IQGAP1: variants seen among roughly 807,000 people sequenced by gnomAD.
IQGAP1 encodes ras GTPase-activating-like protein IQGAP1.
Under a neutral mutation model 215.6 loss-of-function variants are expected in IQGAP1, and 66 were observed. The ratio of observed to expected loss-of-function variants is 0.31; its 90% CI spans 0.25 to 0.38. IQGAP1 has a LOEUF of 0.38. IQGAP1 is among the 10% of genes least tolerant of loss of function. The pLI is 1.00. For missense variants in IQGAP1, 1,712 were observed against 1,997.1 expected (o/e 0.86, Z 2.72); for synonymous variants, 772 against 728.7 (o/e 1.06, Z -0.96).
intron 10 of IQGAP1, among the ~76,000 whole-genome samples, 185 bp from the exon 11 acceptor site, chr15:90,449,374 A>G (rs1965569592): frequency 6.6e-6 from 1 of 152,066 alleles, no homozygotes; most frequent in Non-Finnish European, 1.5e-5. Flanking sequence ...AAGTCACTCT[A>G]CCCCAGCTTT....
intron 2 of IQGAP1, among the ~76,000 whole-genome samples, chr15:90,404,946 A>G (rs1964857059): frequency 6.6e-6 from 1 of 152,148 alleles, no homozygotes; most frequent in South Asian, 2.1e-4. Flanking sequence ...ACTTACTAAT[A>G]TTTTACTTTT....
chr15:90,388,859 G>C (rs1010674798), intron 1 of IQGAP1, among the ~76,000 whole-genome samples: 3 of 152,192 alleles, frequency 2.0e-5, no homozygotes, highest in Non-Finnish European at 4.4e-5. Flanking sequence ...TCCCAGGCTA[G>C]CTACGAGGTG....
rs1965450314 is a variant in IQGAP1 at position 90,441,529 on chromosome 15, A to C, written c.673A>C (p.Asn225His). Residue 225 changes from asparagine to histidine, a missense_variant, in exon 8 of 38, where the codon AAT (asparagine) becomes CAT (histidine). Asn to His is a moderately conservative substitution (Grantham distance 68). Around this residue, in one of 2 missense-constraint regions of IQGAP1, gnomAD observed 1,021 missense variants for 1,074.2 expected, o/e 0.95. Transcript: ENST00000268182. ...AALHAAVIAI[N>H]EAIDRRIPAD... ...AGTACATGCTGCTGTTATTGCTATT[A>C]ATGAAGCTATTGACCGTAGAATTCC... The C allele has an allele frequency of 6.2e-7, 1 of 1,612,512 alleles. No homozygotes were observed. Among genetic ancestry groups the C allele is most frequent in the Admixed American group, 1.7e-5 (1 of 59,794 alleles).
At chr15:90,417,053 G>A (rs997559411) in intron 2 of IQGAP1, among the ~76,000 whole-genome samples, 1 of 152,066 alleles carries the variant, frequency 6.6e-6, no homozygotes, top group Non-Finnish European at 1.5e-5. Flanking sequence ...CTTTGTGATG[G>A]GGTTGTTTGT....
intron 18 of IQGAP1, among the ~76,000 whole-genome samples, chr15:90,470,508 A>T (rs964876005): frequency 1.3e-5 from 2 of 152,142 alleles, no homozygotes; most frequent in African/African-American, 4.8e-5. Context: ...ACTGTATTTT[A>T]AGTAGCAGCC....
rs190769709 is a variant in IQGAP1 at position 90,458,794 on chromosome 15, A to G, written c.1776+2479A>G. Reference sequence around the variant, plus strand: ...GCTATGAAATAGCAGTTGTGATTCAACCCTCTCCACAGCATCAAGTGACAT... The same window carrying G: ...GCTATGAAATAGCAGTTGTGATTCAGCCCTCTCCACAGCATCAAGTGACAT... On this transcript the variant is annotated intron_variant, in intron 15 of 37. Coordinates refer to ENST00000268182, the MANE Select transcript of IQGAP1 (RefSeq NM_003870.4). Among the ~76,000 whole-genome samples, 35 of 152,130 alleles carry G rather than the reference A, an allele frequency of 2.3e-4. No individual in the cohort carries two copies. In the East Asian group the frequency reaches 6.0e-3, roughly 26 times the overall value.
chr15:90,443,400 A>C lies in IQGAP1; in HGVS notation c.835A>C (p.Asn279His), dbSNP rs781764581. The change falls in exon 9 of 38, where the codon AAC becomes CAC. Residue 279 changes from asparagine to histidine, a missense_variant. Coordinates refer to ENST00000268182, the MANE Select transcript of IQGAP1 (RefSeq NM_003870.4). ...KMTNAKNRTE[N>H]SERERDVYEE... ...GCTTTTTACTCATCCTCAGACAGAAAACTCAGAGAGAGAAAGAGATGTTTA... is the reference window on the plus strand; with the variant it reads ...GCTTTTTACTCATCCTCAGACAGAACACTCAGAGAGAGAAAGAGATGTTTA... The C allele has an allele frequency of 1.9e-6, 3 of 1,611,472 alleles. No homozygotes were observed. The South Asian group carries it at 3.3e-5, about 18-fold the overall frequency.
chr15:90,461,812 G>A (rs938238739), intron 15 of IQGAP1, among the ~76,000 whole-genome samples: 9 of 151,994 alleles, frequency 5.9e-5, no homozygotes, highest in African/African-American at 1.2e-4. Flanking sequence ...GGGTGACAGC[G>A]AAGCTGCATC....
At position 90,500,863 on chromosome 15, in the gene IQGAP1, T is replaced by C. The variant is rs1163009866; in HGVS notation, c.*755T>C. ...ATGGGTCAAGGCACCTGCCTGTTTT[T>C]GTTGGTGCACAGAGATTGACTTGAT... On this transcript the variant is annotated 3_prime_UTR_variant, in exon 38 of 38. Transcript: ENST00000268182. 1.3e-5 allele frequency: 2 copies of C among 152,666 alleles called. No individual in the cohort carries two copies. Among genetic ancestry groups the C allele is most frequent in the Non-Finnish European group, 2.9e-5 (2 of 68,040 alleles). 9.5% of individuals were successfully genotyped at this position (152,666 alleles called of 1,614,324 possible).
At chr15:90,391,152 C>T (rs966212769) in intron 2 of IQGAP1, 16 of 278,714 alleles carry the variant, frequency 5.7e-5, no homozygotes, top group African/African-American at 2.4e-4. Context: ...GAGGGAGGAT[C>T]ACTTGAGTCC....
rs1172701878 is a variant in IQGAP1 at position 90,477,174 on chromosome 15, G to T, written c.3048G>T (p.Gln1016His). 1 of 1,613,824 alleles carries T rather than the reference G, an allele frequency of 6.2e-7. No homozygotes were observed. The highest frequency in any genetic ancestry group is 2.2e-5 in the East Asian group (1 of 44,890). The change falls in exon 25 of 38, where the codon CAG becomes CAT. Residue 1016 changes from glutamine (Q) to histidine (H), a missense_variant. This residue lies in a region of IQGAP1 where 691 missense variants were observed against 923.0 expected (regional missense o/e 0.75). Transcript: ENST00000268182. ...CACTCTACAACTACGCGTCCAACCA[G>T]CGAGAGGAGTACCTGCTCCTGCGGC... ...IFTLYNYASN[Q>H]REEYLLLRLF...
chr15:90,466,611 C>CA (rs991890618), intron 17 of IQGAP1, among the ~76,000 whole-genome samples, 175 bp downstream of exon 17: 1 of 150,872 alleles, frequency 6.6e-6, no homozygotes, highest in African/African-American at 2.5e-5. Context: ...CTTCCCCCCC[C>CA]CCTTGTGGAC....
intron 8 of IQGAP1, among the ~76,000 whole-genome samples, chr15:90,443,126 T>G (rs192872273): frequency 5.3e-5 from 8 of 152,134 alleles, no homozygotes; most frequent in Admixed American, 5.2e-4. Context: ...ATTGGGCTAA[T>G]AAAAAAAAGT....
In IQGAP1 at chr15:90,402,226, C is replaced by G. The variant is rs555743097; in HGVS notation, c.155+11353C>G. Among the ~76,000 whole-genome samples the G allele has an allele frequency of 4.6e-5, 7 of 152,288 alleles. No homozygotes were observed. In the East Asian group the frequency reaches 1.3e-3, roughly 29 times the overall value. ...TTGTTGGACCCTTCCTAATTGCTTC[C>G]CTTCTTCATAACCTGGTATCTGCTT... On this transcript the variant is annotated intron_variant, in intron 2 of 37. Transcript: ENST00000268182.
At chr15:90,460,599 T>C (rs996612687) in intron 15 of IQGAP1, among the ~76,000 whole-genome samples, 1 of 152,036 alleles carries the variant, frequency 6.6e-6, no homozygotes, top group African/African-American at 2.4e-5. Context: ...CAGATTGGAA[T>C]AGGGGAGTTT....
At chr15:90,449,507 C>G (rs1965571344) in intron 10 of IQGAP1, 52 bp from the exon 11 acceptor site, 2 of 1,435,034 alleles carry the variant, frequency 1.4e-6, no homozygotes, top group African/African-American at 1.4e-5. Context: ...ACCTTAAGGC[C>G]TGGAGTCATA....
chr15:90,407,958 A>G (rs1399152121), intron 2 of IQGAP1, among the ~76,000 whole-genome samples: 1 of 152,250 alleles, frequency 6.6e-6, no homozygotes, highest in Non-Finnish European at 1.5e-5. Context: ...TCACAAGGCA[A>G]TATGTAATTG....
At chr15:90,443,370 A>G (rs772575757) in intron 8 of IQGAP1, 24 bp from the exon 9 acceptor site, 1 of 1,535,624 alleles carries the variant, frequency 6.5e-7, no homozygotes, top group Admixed American at 1.7e-5. Flanking sequence ...AGCTAACTTA[A>G]TTACGCTTTT....
chr15:90,494,740 A>G lies in IQGAP1; in HGVS notation c.4656A>G (p.Lys1552=). Residue 1552 remains lysine (K), a synonymous_variant, in exon 36 of 38, where the codon AAA becomes AAG. Coordinates refer to ENST00000268182, the MANE Select transcript of IQGAP1 (RefSeq NM_003870.4). ...GKVSKKPREM[K]GKKSKKISLK... Reference sequence around the variant, plus strand: ...TCTCCAAAAAGCCTAGGGAAATGAAAGGAAAGAAAAGCAAAAAGATTTCTC... The same window carrying G: ...TCTCCAAAAAGCCTAGGGAAATGAAGGGAAAGAAAAGCAAAAAGATTTCTC... The G allele has an allele frequency of 4.3e-6, 7 of 1,610,044 alleles. No homozygotes were observed. Among genetic ancestry groups the G allele is most frequent in the Non-Finnish European group, 5.9e-6 (7 of 1,177,716 alleles).
Sources: gnomAD v4.1 joint callset for allele counts (sites outside exome capture counted in the v4.1 genomes callset) on GRCh38, gnomAD v4.1.1 for gene constraint, gnomAD v4.1.1 regional missense constraint, MANE v1.5 for transcripts, NCBI Gene and HGNC (gene_info 2026-07-23, HGNC 2026-07-21) for gene names.